The following DNM3 variants were observed in gnomAD, a reference collection of about 807,000 sequenced individuals.
DNM3 encodes the protein dynamin 3.
In DNM3, 47 loss-of-function variants were observed where a neutral mutation model predicts 101.6. The ratio of observed to expected loss-of-function variants is 0.46; its 90% CI spans 0.37 to 0.59. The LOEUF (loss-of-function observed/expected upper bound fraction) is 0.59. Ranked by LOEUF, DNM3 falls within the 20% of genes least tolerant of loss-of-function variation. The pLI is 0.00. For missense variants in DNM3, 849 were observed against 1,085.7 expected (o/e 0.78, Z 3.06); for synonymous variants, 385 against 387.9 (o/e 0.99, Z 0.09).
intron 10 of DNM3, among the ~76,000 whole-genome samples, chr1:172,065,768 A>T (rs888788626): frequency 1.3e-5 from 2 of 152,190 alleles, no homozygotes; most frequent in African/African-American, 4.8e-5. Flanking sequence ...TGGTTTTATG[A>T]TGTTATGAAC....
intron 14 of DNM3, among the ~76,000 whole-genome samples, chr1:172,156,094 G>A (rs945994257): frequency 4.6e-5 from 7 of 152,086 alleles, no homozygotes; most frequent in Admixed American, 2.6e-4. Flanking sequence ...GGACTATATG[G>A]ATTAATCTGT....
chr1:172,292,898 C>A (rs1353881448), intron 15 of DNM3, among the ~76,000 whole-genome samples: 1 of 152,080 alleles, frequency 6.6e-6, no homozygotes, highest in Admixed American at 6.6e-5. Context: ...TCACTGGCAA[C>A]CAGAAATTGT....
chr1:172,335,464 T>C (rs2066378040), intron 17 of DNM3, among the ~76,000 whole-genome samples: 1 of 152,182 alleles, frequency 6.6e-6, no homozygotes, highest in South Asian at 2.1e-4. Flanking sequence ...TGTATAATAT[T>C]ATTTATAGAA....
At chr1:172,019,699 A>G (rs749071149) in intron 4 of DNM3, among the ~76,000 whole-genome samples, 2 of 150,642 alleles carry the variant, frequency 1.3e-5, no homozygotes, top group Admixed American at 6.6e-5. Context: ...AGATGTTTCT[A>G]TTGAAATATG....
At chr1:171,994,917 T>A (rs2125644633) in intron 4 of DNM3, among the ~76,000 whole-genome samples, 1 of 152,114 alleles carries the variant, frequency 6.6e-6, no homozygotes, top group South Asian at 2.1e-4. Context: ...TACAATTGTC[T>A]GAAAATTGTA....
At chr1:172,174,804 C>T (rs900835375) in intron 14 of DNM3, among the ~76,000 whole-genome samples, 2 of 151,554 alleles carry the variant, frequency 1.3e-5, no homozygotes, top group Non-Finnish European at 3.0e-5. Context: ...GGTTTACTCT[C>T]TAACATTGAG....
intron 10 of DNM3, among the ~76,000 whole-genome samples, chr1:172,060,957 G>A: frequency 1.8e-5 from 2 of 109,330 alleles, no homozygotes; most frequent in African/African-American, 4.0e-5. Flanking sequence ...ATCTGACAAA[G>A]GGCTGATATC....
intron 15 of DNM3, among the ~76,000 whole-genome samples, chr1:172,293,508 C>T (rs1277528930): frequency 6.6e-6 from 1 of 152,180 alleles, no homozygotes; most frequent in Admixed American, 6.6e-5. Context: ...ATGATTGCAG[C>T]TGAAATAGAC....
intron 13 of DNM3, among the ~76,000 whole-genome samples, chr1:172,113,275 C>T (rs1027706880): frequency 1.3e-5 from 2 of 152,058 alleles, no homozygotes; most frequent in African/African-American, 4.8e-5. Flanking sequence ...ATGTGTGAGG[C>T]CCTGTTCTAT....
Position 171,971,187 on chromosome 1 carries a change from T to G in DNM3, c.236-16469T>G, listed in dbSNP as rs2043966766. Among the ~76,000 whole-genome samples, 3 of 152,064 alleles carry G rather than the reference T, an allele frequency of 2.0e-5. No homozygotes were observed. The South Asian group carries it at 6.2e-4, about 32-fold the overall frequency. ...GTGTTCTTATTTGCCCAGCCGTATA[T>G]CTCCTATTTCCTTTTGTTTTTTCTC... On this transcript the variant is annotated intron_variant, in intron 2 of 20. Transcript: ENST00000627582.
chr1:172,361,507 A>C (rs138440377), intron 17 of DNM3, among the ~76,000 whole-genome samples: 1 of 151,958 alleles, frequency 6.6e-6, no homozygotes, highest in East Asian at 1.9e-4. Flanking sequence ...TCCCAGACTT[A>C]TATCTCTTTA....
chr1:172,403,143 T>A (rs1436721979), intron 20 of DNM3, among the ~76,000 whole-genome samples: 1 of 152,106 alleles, frequency 6.6e-6, no homozygotes, highest in East Asian at 1.9e-4. Context: ...GCACTGAAAG[T>A]CATGAGACCT....
intron 4 of DNM3, among the ~76,000 whole-genome samples, chr1:172,031,867 T>C (rs1265710435): frequency 3.3e-5 from 5 of 152,174 alleles, no homozygotes; most frequent in Non-Finnish European, 7.3e-5. Context: ...TAGTGAATGC[T>C]GTGTGGCTTA....
chr1:172,318,710 A>G (rs1251000877), intron 16 of DNM3, among the ~76,000 whole-genome samples: 1 of 152,248 alleles, frequency 6.6e-6, no homozygotes, highest in African/African-American at 2.4e-5. Flanking sequence ...AAGGAGAACT[A>G]CAAACCACTG....
chr1:172,146,080 C>T (rs972332928), intron 14 of DNM3, among the ~76,000 whole-genome samples: 1 of 152,154 alleles, frequency 6.6e-6, no homozygotes, highest in Non-Finnish European at 1.5e-5. Context: ...TTCTAGGTAG[C>T]TTCCAAATTT....
chr1:172,343,343 A>G (rs2148963952), intron 17 of DNM3, among the ~76,000 whole-genome samples: 1 of 149,094 alleles, frequency 6.7e-6, no homozygotes, highest in Non-Finnish European at 1.5e-5. Flanking sequence ...CTAATTAAAA[A>G]GAGAGGAACT....
chr1:172,380,070 G>A (rs2149059009), intron 18 of DNM3, among the ~76,000 whole-genome samples: 1 of 152,022 alleles, frequency 6.6e-6, no homozygotes, highest in South Asian at 2.1e-4. Context: ...AGATGGCAAA[G>A]TACTAAAAAG....
intron 1 of DNM3, among the ~76,000 whole-genome samples, chr1:171,863,392 T>C (rs1462587616): frequency 1.3e-4 from 20 of 151,826 alleles, no homozygotes; most frequent in Admixed American, 1.2e-3. Flanking sequence ...CAGCTGATGG[T>C]AGGGTAGGAA....
At position 172,038,431 on chromosome 1, in the gene DNM3, A is replaced by T. The variant is rs2049125457; in HGVS notation, c.962A>T (p.Asp321Val). 6.2e-7 allele frequency: 1 copy of T among 1,613,312 alleles called. No individual in the cohort carries two copies. Among genetic ancestry groups the T allele is most frequent in the African/African-American group, 1.3e-5 (1 of 74,978 alleles). ...VEAYKNFKPE[D>V]PTRKTKALLQ... ...GCCTACAAAAATTTCAAACCAGAAG[A>T]CCCAACAAGGAAGACCAAAGCATTG... Residue 321 changes from aspartate (D) to valine (V), a missense_variant, in exon 7 of 21, where the codon GAC becomes GTC. This residue lies in a region of DNM3 where 388 missense variants were observed against 483.0 expected (regional missense o/e 0.80). Coordinates refer to ENST00000627582, the MANE Select transcript of DNM3 (RefSeq NM_015569.5).
Sources: allele counts gnomAD v4.1 joint callset (sites outside exome capture counted in the v4.1 genomes callset), GRCh38; gene constraint gnomAD v4.1.1; regional missense constraint gnomAD v4.1.1; transcripts MANE v1.5; gene names NCBI Gene and HGNC (gene_info 2026-07-23, HGNC 2026-07-21).